Variants in KIR3DL1 observed in about 807,000 individuals in gnomAD.
KIR3DL1 encodes killer cell immunoglobulin-like receptor 3DL1.
Under a neutral mutation model 40.3 loss-of-function variants are expected in KIR3DL1, and 50 were observed. The observed-to-expected ratio is 1.24, with a 90% CI of 0.99 to 1.57. KIR3DL1 has a LOEUF of 1.57. KIR3DL1 is among the 40% of genes most tolerant of loss of function. KIR3DL1 has a pLI of 0.00. For synonymous variants in KIR3DL1, 257 were observed against 207.2 expected, an observed-to-expected ratio of 1.24 and a Z score of -2.07; for missense variants, 661 against 559.9, an observed-to-expected ratio of 1.18 and a Z score of -1.82.
At chr19:54,821,419 C>A in intron 4 of KIR3DL1, 146 bp from the exon 5 acceptor site, 1 of 910,116 alleles carries the variant, frequency 1.1e-6, no homozygotes, top group Admixed American at 2.7e-5. Flanking sequence ...AAGGAGGAAA[C>A]AGATATGAAG....
chr19:54,829,680 C>A (rs2062112774), intron 7 of KIR3DL1, among the ~76,000 whole-genome samples: 1 of 141,624 alleles, frequency 7.1e-6, no homozygotes, highest in Non-Finnish European at 1.6e-5. Context: ...ATGTCCCCTG[C>A]AGCCACTCAC....
At chr19:54,830,322 C>T (rs1284457324) in exon 9 of KIR3DL1, 1 of 1,502,124 alleles carries the variant, frequency 6.7e-7, no homozygotes, top group Non-Finnish European at 9.1e-7. Context: ...GACAACAGCC[C>T]TGTCTCAAAA....
At chr19:54,828,350 C>A (rs948505685) in intron 6 of KIR3DL1, among the ~76,000 whole-genome samples, 2 of 151,380 alleles carry the variant, frequency 1.3e-5, no homozygotes, top group Non-Finnish European at 2.9e-5. Flanking sequence ...CCAGAGAAGA[C>A]TCTAAACACC....
At chr19:54,825,916 C>A (rs199687573) in intron 6 of KIR3DL1, among the ~76,000 whole-genome samples, 320 of 148,242 alleles carry the variant, frequency 2.2e-3, no homozygotes, top group Non-Finnish European at 3.0e-3. Context: ...ACACCTCTTT[C>A]TCTGAATGCT....
In KIR3DL1 at chr19:54,825,089, G is replaced by C. The variant is rs2061815040; in HGVS notation, c.1000+11G>C. 4 of 1,498,688 alleles carry C rather than the reference G, an allele frequency of 2.7e-6. No homozygotes were observed. Among genetic ancestry groups the C allele is most frequent in the Non-Finnish European group, 3.7e-6 (4 of 1,079,666 alleles). The allele number at this position is 1,498,688 out of a possible 1,614,324, so 92.8% of individuals were successfully genotyped here. A position where few individuals can be genotyped will look rare whatever the true frequency, so the allele number is the denominator to read the frequency against. On this transcript the variant is annotated intron_variant, in intron 6 of 8. Transcript: ENST00000391728. ...CAAGCTCCAAATCTGGTGAGTAAAG[G>C]ACCCCTCTTATCTCTGCTTTTGGAA...
At chr19:54,822,165 C>G (rs2061672858) in intron 5 of KIR3DL1, among the ~76,000 whole-genome samples, 2 of 151,170 alleles carry the variant, frequency 1.3e-5, no homozygotes, top group African/African-American at 4.9e-5. Flanking sequence ...TCAATCTTAT[C>G]CATTTCCCAG....
At position 54,821,097 on chromosome 19, in the gene KIR3DL1, T is replaced by C. The variant is rs181029962; in HGVS notation, c.656-468T>C. ...GACAGAGAGGTAATAGAGAGAGAGA[T>C]AGATGATACATATATAGATAATAGA... On this transcript the variant is annotated intron_variant, in intron 4 of 8. Coordinates refer to ENST00000391728, the Ensembl canonical transcript of KIR3DL1. 3.2e-3 allele frequency among the ~76,000 whole-genome samples: 483 copies of C among 149,034 alleles called. 7 individuals carry two copies. Among genetic ancestry groups the C allele is most frequent in the Non-Finnish European group, 6.0e-3 (401 of 67,316 alleles).
exon 9 of KIR3DL1, chr19:54,830,279 CCA>C: frequency 6.6e-7 from 1 of 1,523,670 alleles, no homozygotes; most frequent in South Asian, 1.3e-5. Flanking sequence ...CCCATGAGCA[CCA>C]CAGTCAGGCC....
At position 54,817,084 on chromosome 19, in the gene KIR3DL1, C is replaced by T. The variant is rs1265645523; in HGVS notation, c.35-450C>T. On this transcript the variant is annotated intron_variant, in intron 1 of 8. Transcript: ENST00000391728. ...GAGATATGGGCCTGGGGTGGAGATA[C>T]GGGCCTGGAGCAGACATACAAGCCT... Among the ~76,000 whole-genome samples the T allele has an allele frequency of 6.8e-4, 84 of 123,706 alleles. 1 individual carries two copies. Among genetic ancestry groups the T allele is most frequent in the Non-Finnish European group, 1.3e-3 (76 of 59,736 alleles). The allele number at this position is 123,706 out of a possible 152,430, so 81.2% of individuals were successfully genotyped here. A position where few individuals can be genotyped will look rare whatever the true frequency, so the allele number is the denominator to read the frequency against.
intron 5 of KIR3DL1, among the ~76,000 whole-genome samples, chr19:54,823,202 T>A (rs1449229345): frequency 6.6e-6 from 1 of 150,812 alleles, no homozygotes; most frequent in East Asian, 1.9e-4. Flanking sequence ...GCCTGGCTAA[T>A]TTTTGTATTT....
intron 3 of KIR3DL1, among the ~76,000 whole-genome samples, chr19:54,819,301 A>G (rs4806568): frequency 0.9 from 126,709 of 141,090 alleles, 57,636 homozygotes; most frequent in East Asian, 0.99. Context: ...GGTGGTGGGC[A>G]CGAGTAATCC....
chr19:54,818,983 C>G (rs1013427414), intron 3 of KIR3DL1, among the ~76,000 whole-genome samples: 1 of 150,000 alleles, frequency 6.7e-6, no homozygotes, highest in Non-Finnish European at 1.5e-5. Context: ...GGGAGGGAGA[C>G]GCTATCAGCC....
intron 7 of KIR3DL1, 57 bp downstream of exon 7, chr19:54,829,522 G>A: frequency 7.8e-7 from 1 of 1,280,458 alleles, no homozygotes; most frequent in Non-Finnish European, 1.1e-6. Context: ...AAGCAGGATG[G>A]GAGCACACAG....
rs1160953339 is a variant in KIR3DL1, at chr19:54,822,820, G to A, written c.949+962G>A. Among the ~76,000 whole-genome samples, 29 of 141,282 alleles carry A rather than the reference G, an allele frequency of 2.1e-4. 3 individuals are homozygous for A. Among genetic ancestry groups the A allele is most frequent in the African/African-American group, 7.4e-4 (28 of 37,924 alleles). 92.7% of individuals were successfully genotyped at this position (141,282 alleles called of 152,430 possible). On this transcript the variant is annotated intron_variant, in intron 5 of 8. Transcript: ENST00000391728. Reference sequence around the variant, plus strand: ...TGGCTGCAAATGACAGGATGTTATTGTTTCTATGGATGAGTAGTCTCCACT... The same window carrying A: ...TGGCTGCAAATGACAGGATGTTATTATTTCTATGGATGAGTAGTCTCCACT...
At chr19:54,820,900 G>T (rs1207106859) in intron 4 of KIR3DL1, among the ~76,000 whole-genome samples, 5 of 151,328 alleles carry the variant, frequency 3.3e-5, no homozygotes, top group African/African-American at 1.2e-4. Context: ...GAGAGAGAGA[G>T]ATGATAGATG....
intron 5 of KIR3DL1, among the ~76,000 whole-genome samples, chr19:54,822,234 C>A (rs753367064): frequency 6.6e-6 from 1 of 151,254 alleles, no homozygotes; most frequent in South Asian, 2.1e-4. Flanking sequence ...ACCCCTACAC[C>A]CTTTTCTTTT....
At chr19:54,823,514 G>A (rs2061739579) in intron 5 of KIR3DL1, among the ~76,000 whole-genome samples, 2 of 151,078 alleles carry the variant, frequency 1.3e-5, no homozygotes, top group African/African-American at 4.9e-5. Flanking sequence ...TATTTATGTT[G>A]AGATGGAGTT....
At chr19:54,820,396 A>G (rs1378790241) in intron 4 of KIR3DL1, among the ~76,000 whole-genome samples, 1 of 151,588 alleles carries the variant, frequency 6.6e-6, no homozygotes, top group Admixed American at 6.6e-5. Flanking sequence ...AAGGACACCC[A>G]TATTTCTGAC....
chr19:54,817,301 G>A (rs2061398329), intron 1 of KIR3DL1, among the ~76,000 whole-genome samples: 1 of 146,546 alleles, frequency 6.8e-6, no homozygotes, highest in Admixed American at 6.8e-5. Context: ...TACGGACCTG[G>A]AGTGGAGATC....
Sources: gnomAD v4.1 joint callset for allele counts (sites outside exome capture counted in the v4.1 genomes callset) on GRCh38, gnomAD v4.1.1 for gene constraint, MANE v1.5 for transcripts, NCBI Gene and HGNC (gene_info 2026-07-23, HGNC 2026-07-21) for gene names.